The following TCF7L2 variants were observed in gnomAD, a reference collection of about 807,000 sequenced individuals.
TCF7L2 encodes the protein transcription factor 7 like 2.
In TCF7L2, 23 loss-of-function variants were observed where a neutral mutation model predicts 77.9. The observed-to-expected ratio is 0.30, with a 90% CI of 0.21 to 0.42. TCF7L2 has a LOEUF of 0.42. Ranked by LOEUF, TCF7L2 falls within the 10% of genes least tolerant of loss-of-function variation. The pLI is 1.00. For synonymous variants in TCF7L2, 413 were observed against 340.2 expected (o/e 1.21, Z -2.36); for missense variants, 654 against 793.1 (o/e 0.82, Z 2.11).
chr10:113,070,176 A>T (rs1479022273), intron 5 of TCF7L2, among the ~76,000 whole-genome samples: 1 of 151,538 alleles, frequency 6.6e-6, no homozygotes, highest in Admixed American at 6.6e-5. Flanking sequence ...GAATCCCTTG[A>T]ACCAGTGAGT....
intron 4 of TCF7L2, chr10:112,987,985 C>G (rs2041874743): frequency 6.8e-6 from 1 of 146,028 alleles, no homozygotes; most frequent in Admixed American, 6.9e-5. Context: ...GTAATGTACC[C>G]ATTGCCATAC....
At chr10:112,994,138 G>A (rs2043071400) in intron 4 of TCF7L2, among the ~76,000 whole-genome samples, 1 of 151,898 alleles carries the variant, frequency 6.6e-6, no homozygotes, top group Admixed American at 6.6e-5. Context: ...ACAATTGAGT[G>A]ATTTTCTGTA....
chr10:113,027,279 C>G (rs1288467701), intron 4 of TCF7L2, among the ~76,000 whole-genome samples: 1 of 152,046 alleles, frequency 6.6e-6, no homozygotes, highest in Admixed American at 6.6e-5. Flanking sequence ...GTTTTTGAAG[C>G]AGGAATTTGA....
At chr10:113,144,771 A>C (rs1291436787) in intron 7 of TCF7L2, among the ~76,000 whole-genome samples, 3 of 152,290 alleles carry the variant, frequency 2.0e-5, no homozygotes, top group Non-Finnish European at 2.9e-5. Flanking sequence ...AGATTATTTG[A>C]CTAACTTTTG....
chr10:112,993,411 C>T (rs2042934829), intron 4 of TCF7L2, among the ~76,000 whole-genome samples: 1 of 151,712 alleles, frequency 6.6e-6, no homozygotes, highest in Non-Finnish European at 1.5e-5. Context: ...GAGGCTGAGG[C>T]ATGAGAATCA....
Position 113,148,319 on chromosome 10 carries a change from G to A in TCF7L2, c.875+2222G>A, listed in dbSNP as rs117945863. Among the ~76,000 whole-genome samples the A allele has an allele frequency of 2.2e-4, 34 of 152,214 alleles. No individual in the cohort carries two copies. The East Asian group carries it at 4.4e-3, about 20-fold the overall frequency. On this transcript the variant is annotated intron_variant, in intron 8 of 13. Transcript: ENST00000627217. ...ACGAGAGCCGGCTCTGAAATCTGCC[G>A]GCTTCAAAGGGAGCGAGATCATGTA...
intron 5 of TCF7L2, among the ~76,000 whole-genome samples, chr10:113,070,266 A>ATTTATATATATATAT (rs953072031): frequency 3.3e-4 from 32 of 96,436 alleles, no homozygotes; most frequent in Non-Finnish European, 4.6e-4. Flanking sequence ...AAAAAAAAAA[A>ATTTATATATATATAT]ATTTATATAT....
chr10:113,065,984 G>C (rs1364648294), intron 5 of TCF7L2, among the ~76,000 whole-genome samples: 5 of 152,216 alleles, frequency 3.3e-5, no homozygotes, highest in Non-Finnish European at 7.3e-5. Context: ...GCAGAAAGCA[G>C]CCAGAGGAGT....
chr10:113,138,429 T>A (rs1354448494), intron 5 of TCF7L2, among the ~76,000 whole-genome samples: 1 of 152,128 alleles, frequency 6.6e-6, no homozygotes, highest in African/African-American at 2.4e-5. Flanking sequence ...AATTTTTAAA[T>A]CTCACACTCA....
intron 5 of TCF7L2, among the ~76,000 whole-genome samples, chr10:113,084,904 C>A (rs1180364365): frequency 6.7e-6 from 1 of 150,040 alleles, no homozygotes; most frequent in African/African-American, 2.5e-5. Flanking sequence ...TCAAGCCACC[C>A]CCCCCCAAAA....
At chr10:113,004,023 G>A (rs1256332053) in intron 4 of TCF7L2, among the ~76,000 whole-genome samples, 1 of 152,240 alleles carries the variant, frequency 6.6e-6, no homozygotes. Context: ...CCATTGGGGT[G>A]TCACAGACTG....
At chr10:113,139,808 AT>A (rs1244812641) in intron 5 of TCF7L2, among the ~76,000 whole-genome samples, 1 of 80,686 alleles carries the variant, frequency 1.2e-5, no homozygotes, top group Non-Finnish European at 2.2e-5. Flanking sequence ...TTCCTCACCC[AT>A]TTAAAAAAAA....
At chr10:112,983,626 T>C (rs2040921538) in intron 4 of TCF7L2, among the ~76,000 whole-genome samples, 1 of 152,152 alleles carries the variant, frequency 6.6e-6, no homozygotes, top group South Asian at 2.1e-4. Flanking sequence ...GGCTATTGTT[T>C]GTCTGAGTTT....
At chr10:112,966,180 A>ATATT (rs1389860596) in intron 4 of TCF7L2, among the ~76,000 whole-genome samples, 1 of 33,446 alleles carries the variant, frequency 3.0e-5, no homozygotes, top group African/African-American at 9.3e-5. Flanking sequence ...TGTCTAAAAT[A>ATATT]TATTTATATA....
intron 6 of TCF7L2, 82 bp downstream of exon 6, chr10:113,141,398 AG>A (rs2068352138): frequency 1.3e-6 from 2 of 1,589,544 alleles, no homozygotes; most frequent in Admixed American, 3.5e-5. Flanking sequence ...CAGGAACCCC[AG>A]GGGTGGAGCA....
chr10:112,981,395 A>C (rs1224100383), intron 4 of TCF7L2, among the ~76,000 whole-genome samples: 2 of 152,140 alleles, frequency 1.3e-5, no homozygotes, highest in Admixed American at 6.5e-5. Flanking sequence ...TTGCCAGTTT[A>C]TCTCTATCAG....
At chr10:113,165,325 G>C (rs2073943744) in intron 13 of TCF7L2, among the ~76,000 whole-genome samples, 5 of 152,126 alleles carry the variant, frequency 3.3e-5, no homozygotes, top group Admixed American at 3.3e-4. Flanking sequence ...AGCAAGTAGA[G>C]AGTTCAGACT....
At chr10:113,034,978 C>T (rs1464762562) in intron 4 of TCF7L2, among the ~76,000 whole-genome samples, 1 of 150,878 alleles carries the variant, frequency 6.6e-6, no homozygotes, top group African/African-American at 2.5e-5. Context: ...CTTCCCTTTC[C>T]TCCCCTTTCC....
intron 4 of TCF7L2, among the ~76,000 whole-genome samples, chr10:113,028,030 C>G (rs553955152): frequency 1.3e-5 from 2 of 152,308 alleles, no homozygotes; most frequent in South Asian, 4.1e-4. Context: ...TCATCTTTTA[C>G]TGTGCCTAAT....
Sources: allele counts gnomAD v4.1 joint callset (sites outside exome capture counted in the v4.1 genomes callset), GRCh38; gene constraint gnomAD v4.1.1; transcripts MANE v1.5; gene names NCBI Gene and HGNC (gene_info 2026-07-23, HGNC 2026-07-21).